Variants in BNC2 observed in about 807,000 individuals in gnomAD.
BNC2 encodes basonuclin zinc finger protein 2.
Under a neutral mutation model 76.3 loss-of-function variants are expected in BNC2, and 20 were observed. That is an observed-to-expected ratio of 0.26 (90% CI 0.18 to 0.38). BNC2 has a LOEUF of 0.38. Among genes scored for constraint, BNC2 ranks in the 10% least tolerant of loss-of-function variants. The probability of loss-of-function intolerance (pLI) is 1.00; values close to 1 mark genes in which losing one functional copy is unlikely to be tolerated. For missense variants in BNC2, 1,382 were observed against 1,399.8 expected (o/e 0.99, Z 0.20); for synonymous variants, 582 against 514.8 (o/e 1.13, Z -1.77).
At chr9:16,851,504 T>C (rs1819126617) in intron 1 of BNC2, among the ~76,000 whole-genome samples, 1 of 152,104 alleles carries the variant, frequency 6.6e-6, no homozygotes, top group South Asian at 2.1e-4. Context: ...AGACCCTGTC[T>C]CAAAAAAATA....
At chr9:16,641,013 T>C (rs1042665534) in intron 3 of BNC2, among the ~76,000 whole-genome samples, 1 of 152,134 alleles carries the variant, frequency 6.6e-6, no homozygotes, top group Non-Finnish European at 1.5e-5. Flanking sequence ...GATGTGAATA[T>C]AGGAAATTGG....
chr9:16,618,938 T>C (rs1315781960), intron 3 of BNC2, among the ~76,000 whole-genome samples: 1 of 152,196 alleles, frequency 6.6e-6, no homozygotes, highest in Non-Finnish European at 1.5e-5. Context: ...AAAATATTCA[T>C]TTTCTGACAT....
At chr9:16,554,290 C>A (rs76965638) in intron 4 of BNC2, among the ~76,000 whole-genome samples, 7 of 152,128 alleles carry the variant, frequency 4.6e-5, no homozygotes, top group Non-Finnish European at 1.0e-4. Context: ...TGTATTTTTT[C>A]AGGGCTCCTC....
chr9:16,500,637 A>T (rs1822498452), intron 5 of BNC2, among the ~76,000 whole-genome samples: 1 of 152,186 alleles, frequency 6.6e-6, no homozygotes, highest in Non-Finnish European at 1.5e-5. Context: ...GCGCTTGCAA[A>T]TTTTGGCCAA....
intron 1 of BNC2, among the ~76,000 whole-genome samples, chr9:16,868,781 G>C (rs1263027074): frequency 6.6e-6 from 1 of 150,612 alleles, no homozygotes; most frequent in Non-Finnish European, 1.5e-5. Flanking sequence ...ACTCTCTAAA[G>C]GCTCACAAGG....
chr9:16,613,477 T>A (rs1346308137), intron 3 of BNC2, among the ~76,000 whole-genome samples: 1 of 152,210 alleles, frequency 6.6e-6, no homozygotes, highest in Non-Finnish European at 1.5e-5. Flanking sequence ...CAGCAGGTTA[T>A]GGAGTATTCC....
At chr9:16,836,307 G>A (rs1035049104) in intron 1 of BNC2, among the ~76,000 whole-genome samples, 1 of 152,046 alleles carries the variant, frequency 6.6e-6, no homozygotes, top group East Asian at 1.9e-4. Flanking sequence ...AAGAATCAGA[G>A]GTCGTTTTTT....
At chr9:16,501,505 A>G (rs10962459) in intron 5 of BNC2, among the ~76,000 whole-genome samples, 30,779 of 152,118 alleles carry the variant, frequency 0.2, 3,217 homozygotes, top group East Asian at 0.27. Flanking sequence ...TCCAAATGGA[A>G]GATGAAAGAT....
chr9:16,818,156 G>A (rs1434126976), intron 1 of BNC2, among the ~76,000 whole-genome samples: 3 of 152,314 alleles, frequency 2.0e-5, no homozygotes, highest in East Asian at 1.9e-4. Context: ...TGTAATCCCA[G>A]CACTTTGGGA....
chr9:16,866,284 C>T (rs1478117755), intron 1 of BNC2, among the ~76,000 whole-genome samples: 1 of 152,000 alleles, frequency 6.6e-6, no homozygotes, highest in Non-Finnish European at 1.5e-5. Context: ...AATAGTTTAA[C>T]ATTTATGCTT....
intron 1 of BNC2, among the ~76,000 whole-genome samples, chr9:16,834,585 C>T (rs1005283875): frequency 6.6e-6 from 1 of 152,204 alleles, no homozygotes; most frequent in Admixed American, 6.5e-5. Flanking sequence ...TTAGAGTACT[C>T]AGGAGACATG....
intron 3 of BNC2, among the ~76,000 whole-genome samples, chr9:16,678,068 G>C (rs1429135208): frequency 2.0e-5 from 3 of 151,704 alleles, no homozygotes; most frequent in African/African-American, 7.3e-5. Context: ...AAAATAAAAA[G>C]AGAGAATAAT....
chr9:16,526,228 G>A (rs1202364270), intron 5 of BNC2, among the ~76,000 whole-genome samples: 1 of 151,902 alleles, frequency 6.6e-6, no homozygotes, highest in Non-Finnish European at 1.5e-5. Context: ...TGTGGCATAT[G>A]CGTACATCTG....
intron 5 of BNC2, among the ~76,000 whole-genome samples, chr9:16,521,460 G>T (rs542901107): frequency 1.3e-5 from 2 of 152,158 alleles, no homozygotes; most frequent in Non-Finnish European, 2.9e-5. Flanking sequence ...GGCAGTATTC[G>T]TCATATACTG....
intron 4 of BNC2, among the ~76,000 whole-genome samples, chr9:16,559,196 T>C (rs1397924505): frequency 6.6e-6 from 1 of 152,212 alleles, no homozygotes; most frequent in Non-Finnish European, 1.5e-5. Context: ...TAGAGCAAAT[T>C]TGTCCAAACC....
chr9:16,562,747 C>T (rs1412944668), intron 4 of BNC2, among the ~76,000 whole-genome samples: 1 of 152,158 alleles, frequency 6.6e-6, no homozygotes, highest in East Asian at 1.9e-4. Flanking sequence ...ATTACTCTTA[C>T]CTAATTTTTT....
intron 5 of BNC2, 101 bp downstream of exon 5, chr9:16,552,428 AG>A: frequency 1.1e-6 from 1 of 945,880 alleles, no homozygotes; most frequent in Non-Finnish European, 1.7e-6. Context: ...CTTTAACCAG[AG>A]GAGGGTGTGC....
intron 5 of BNC2, among the ~76,000 whole-genome samples, chr9:16,517,311 T>C (rs771784549): frequency 6.6e-6 from 1 of 152,104 alleles, no homozygotes; most frequent in African/African-American, 2.4e-5. Context: ...GCAAGGTAAT[T>C]AAATGTTAGT....
intron 5 of BNC2, among the ~76,000 whole-genome samples, chr9:16,488,636 T>C (rs1822213184): frequency 6.6e-6 from 1 of 152,208 alleles, no homozygotes; most frequent in Non-Finnish European, 1.5e-5. Flanking sequence ...TACTGCCTTA[T>C]ATACTGTATT....
Sources: gnomAD v4.1 joint callset for allele counts (sites outside exome capture counted in the v4.1 genomes callset) on GRCh38, gnomAD v4.1.1 for gene constraint, MANE v1.5 for transcripts, NCBI Gene and HGNC (gene_info 2026-07-23, HGNC 2026-07-21) for gene names.